SERPINB9: variants seen among roughly 807,000 people sequenced by gnomAD.
SERPINB9 encodes the protein serpin B9.
In SERPINB9, 20 loss-of-function variants were observed where a neutral mutation model predicts 27.2. The ratio of observed to expected loss-of-function variants is 0.74; its 90% CI spans 0.52 to 1.07. The LOEUF (loss-of-function observed/expected upper bound fraction) is 1.07, where lower values mean the gene tolerates loss of function less well. Among genes scored for constraint, SERPINB9 ranks in the 50% least tolerant of loss-of-function variants. The pLI, the probability that SERPINB9 is intolerant of heterozygous loss-of-function variation, is 0.00. For synonymous variants in SERPINB9, 189 were observed against 180.0 expected, an observed-to-expected ratio of 1.05 and a Z score of -0.40; for missense variants, 476 against 460.1, an observed-to-expected ratio of 1.03 and a Z score of -0.32.
Position 2,888,358 on chromosome 6 carries a change from TA to T in SERPINB9, c.*1804del, listed in dbSNP as rs1767664335. On this transcript the variant is annotated 3_prime_UTR_variant, in exon 7 of 7. Transcript: ENST00000380698. ...GATATATACCCAAGAGAATGCAAAA[TA>T]GGCATTCAAACAAATACAGGTACAC... 6.6e-6 allele frequency: 1 copy of T among 152,020 alleles called. No individual in the cohort carries two copies. Among genetic ancestry groups the T allele is most frequent in the African/African-American group, 2.4e-5 (1 of 41,392 alleles). The allele number at this position is 152,020 out of a possible 1,614,324, so 9.4% of individuals were successfully genotyped here.
chr6:2,900,222 G>T (rs1267664310), intron 2 of SERPINB9, among the ~76,000 whole-genome samples: 3 of 152,026 alleles, frequency 2.0e-5, no homozygotes, highest in Non-Finnish European at 4.4e-5. Flanking sequence ...GGGATTAACC[G>T]AGGAAAGTTT....
rs9503331 is a variant in SERPINB9, at chr6:2,901,758, C to T, written c.-10-1137G>A. ...ACCCATCCCCAAGGCCTGCCCTCTA[C>T]GCCCACATTTCTTCCCACTTCGGAT... is the stretch of plus-strand genomic sequence containing the variant. On this transcript the variant is annotated intron_variant, in intron 1 of 6. Transcript: ENST00000380698. Among the ~76,000 whole-genome samples, 380 of 152,162 alleles carry T rather than the reference C, an allele frequency of 2.5e-3. 1 individual carries two copies. Among genetic ancestry groups the T allele is most frequent in the African/African-American group, 8.4e-3 (348 of 41,512 alleles).
rs1214012899 is a variant in SERPINB9 at position 2,890,961 on chromosome 6, A to G, written c.724-391T>C. 6.6e-6 allele frequency among the ~76,000 whole-genome samples: 1 copy of G among 152,190 alleles called. No individual in the cohort carries two copies. Among genetic ancestry groups the G allele is most frequent in the Non-Finnish European group, 1.5e-5 (1 of 68,036 alleles). On this transcript the variant is annotated intron_variant, in intron 6 of 6. Transcript: ENST00000380698. The surrounding 1 kb of genome is among the most constrained non-coding windows in gnomAD (Gnocchi z 6.2). Reference sequence around the variant, plus strand: ...TGGAAACGAAAGGGCTCTCAGTGTGAGCCACTCCAACAGGATTATCTGTCC... The same window carrying G: ...TGGAAACGAAAGGGCTCTCAGTGTGGGCCACTCCAACAGGATTATCTGTCC...
At chr6:2,901,410 C>G (rs1421491891) in intron 1 of SERPINB9, among the ~76,000 whole-genome samples, 2 of 152,208 alleles carry the variant, frequency 1.3e-5, no homozygotes, top group Non-Finnish European at 2.9e-5. Context: ...GGGAGCTTTA[C>G]TCATTACTCC....
chr6:2,895,295 G>A (rs1280223744), intron 4 of SERPINB9, 96 bp downstream of exon 4: 10 of 747,532 alleles, frequency 1.3e-5, no homozygotes, highest in East Asian at 5.0e-5. Flanking sequence ...AGGGAGAGGA[G>A]GAGGAGAGAG....
rs369264309 is a variant in SERPINB9 at position 2,891,318 on chromosome 6, C to T, written c.723+515G>A. 1.3e-5 allele frequency among the ~76,000 whole-genome samples: 2 copies of T among 152,204 alleles called. No homozygotes were observed. Among genetic ancestry groups the T allele is most frequent in the South Asian group, 2.1e-4 (1 of 4,834 alleles). Reference sequence around the variant, plus strand: ...CCTTGTTAGGTCAAAGTTAAGACTTCCTCATTCTCTATTTCAGGTTCCTAG... The same window carrying T: ...CCTTGTTAGGTCAAAGTTAAGACTTTCTCATTCTCTATTTCAGGTTCCTAG... On this transcript the variant is annotated intron_variant, in intron 6 of 6. Coordinates refer to ENST00000380698, the MANE Select transcript of SERPINB9 (RefSeq NM_004155.6). The surrounding 1 kb of genome is among the most constrained non-coding windows in gnomAD (Gnocchi z 4.0).
intron 1 of SERPINB9, among the ~76,000 whole-genome samples, chr6:2,900,912 G>C (rs1168796361): frequency 2.6e-5 from 1 of 37,930 alleles, no homozygotes; most frequent in Non-Finnish European, 5.0e-5. Flanking sequence ...CACACACACA[G>C]AGCTGGAAGC....
intron 2 of SERPINB9, among the ~76,000 whole-genome samples, chr6:2,896,451 G>GA (rs965147086): frequency 7.1e-5 from 10 of 141,584 alleles, no homozygotes; most frequent in Non-Finnish European, 9.5e-5. Flanking sequence ...AATTTATAGT[G>GA]AAAAAAAAAG....
At chr6:2,892,800 C>A (rs1767854523) in intron 5 of SERPINB9, among the ~76,000 whole-genome samples, 1 of 151,922 alleles carries the variant, frequency 6.6e-6, no homozygotes, top group South Asian at 2.1e-4. Context: ...TTTTTAGGGG[C>A]TGGAAGATTT....
rs1767913597 is a variant in SERPINB9, at chr6:2,894,004, TGG to T, written c.425-453_425-452del. The stretch of plus-strand genomic sequence containing the variant: ...GCGGGAAGAGCTGACATTGGGCACA[TGG>T]GGAGTTTCCAGAAGCTTTTGGAGGA... On this transcript the variant is annotated intron_variant, in intron 4 of 6. Transcript: ENST00000380698. This position sits in a 1 kb window ranked among gnomAD's most constrained non-coding sequence, Gnocchi z 4.7. Among the ~76,000 whole-genome samples, 1 of 152,040 alleles carries T rather than the reference TGG, an allele frequency of 6.6e-6. No individual in the cohort carries two copies. The highest frequency in any genetic ancestry group is 1.5e-5 in the Non-Finnish European group (1 of 68,016).
intron 2 of SERPINB9, among the ~76,000 whole-genome samples, chr6:2,898,630 A>C (rs1349762083): frequency 6.6e-6 from 1 of 152,176 alleles, no homozygotes; most frequent in Non-Finnish European, 1.5e-5. Flanking sequence ...ATCCTGACTA[A>C]CACAGTGAAA....
chr6:2,902,500 T>C (rs2113620984), intron 1 of SERPINB9, among the ~76,000 whole-genome samples: 1 of 152,172 alleles, frequency 6.6e-6, no homozygotes, highest in African/African-American at 2.4e-5. Flanking sequence ...TTGTTGTTGT[T>C]GGTGGTGGTT....
rs369076791 is a variant in SERPINB9, at chr6:2,888,554, T to G, written c.*1609A>C. ...ACTATGTAAATAAATCTCAAAAACT[T>G]GTACTAAGTGAAAGAAGCCAGACAC... On this transcript the variant is annotated 3_prime_UTR_variant, in exon 7 of 7. Transcript: ENST00000380698. The G allele has an allele frequency of 4.6e-5, 7 of 152,252 alleles. 2 individuals are homozygous for G. Among genetic ancestry groups the G allele is most frequent in the African/African-American group, 1.7e-4 (7 of 41,544 alleles). The allele number at this position is 152,252 out of a possible 1,614,324, so 9.4% of individuals were successfully genotyped here. A position where few individuals can be genotyped will look rare whatever the true frequency, so the allele number is the denominator to read the frequency against.
intron 5 of SERPINB9, among the ~76,000 whole-genome samples, chr6:2,893,107 T>A (rs1016487338): frequency 8.1e-6 from 1 of 123,970 alleles, no homozygotes; most frequent in Admixed American, 8.7e-5. Context: ...TATAGGAAGA[T>A]CTTTAGTTTC....
rs2113599660 is a variant in SERPINB9, at chr6:2,891,365, G to C, written c.723+468C>G. ...CTAGACTTTAAAAGCATAATGCTAA[G>C]AATGATGATTGTAATAATGGATCAC... On this transcript the variant is annotated intron_variant, in intron 6 of 6. Transcript: ENST00000380698. This position sits in a 1 kb window ranked among gnomAD's most constrained non-coding sequence, Gnocchi z 4.0. Among the ~76,000 whole-genome samples, 1 of 152,310 alleles carries C rather than the reference G, an allele frequency of 6.6e-6. No homozygotes were observed. Among genetic ancestry groups the C allele is most frequent in the Admixed American group, 6.5e-5 (1 of 15,302 alleles).
chr6:2,890,219 T>C lies in SERPINB9; in HGVS notation c.1075A>G (p.Ile359Val). 1 of 1,614,178 alleles carries C rather than the reference T, an allele frequency of 6.2e-7. No homozygotes were observed. Among genetic ancestry groups the C allele is most frequent in the Non-Finnish European group, 8.5e-7 (1 of 1,180,016 alleles). The change falls in exon 7 of 7, where the codon ATC (isoleucine) becomes GTC (valine). Residue 359 changes from isoleucine (I) to valine (V), a missense_variant. By Grantham distance (29) the Ile-to-Val change is conservative. Transcript: ENST00000380698. The surrounding 1 kb of genome is among the most constrained non-coding windows in gnomAD (Gnocchi z 6.2). Reference sequence around the variant, plus strand: ...ATGCTGTTGGCTCTGTTGTGCCTGATGAAGAAAAGGAAAGGGTGGTCAGCA... The same window carrying C: ...ATGCTGTTGGCTCTGTTGTGCCTGACGAAGAAAAGGAAAGGGTGGTCAGCA... ...FCADHPFLFF[I>V]RHNRANSILF...
At position 2,893,531 on chromosome 6, in the gene SERPINB9, C is replaced by T. The variant is rs769951853; in HGVS notation, c.447G>A (p.Pro149=). 1.1e-4 allele frequency: 174 copies of T among 1,611,576 alleles called. 3 individuals are homozygous for T. In the South Asian group the frequency reaches 1.7e-3, roughly 16 times the overall value. ...KTEGKIEELL[P]GSSIDAETRL... is the part of the protein sequence containing the mutation. ...TGGTTTCTGCATCAATTGAGCTACC[C>T]GGCAACAACTCTTCAATTTTACCTT... is the stretch of plus-strand genomic sequence containing the variant. Residue 149 remains proline (P), a synonymous_variant, in exon 5 of 7, where the codon CCG becomes CCA. Coordinates refer to ENST00000380698, the MANE Select transcript of SERPINB9 (RefSeq NM_004155.6).
chr6:2,898,992 A>G (rs574339807), intron 2 of SERPINB9, among the ~76,000 whole-genome samples: 1 of 152,224 alleles, frequency 6.6e-6, no homozygotes, highest in African/African-American at 2.4e-5. Context: ...TCTTTAAAAT[A>G]TTTCTGCTGC....
Position 2,892,105 on chromosome 6 carries a change from TAAAAAAAAAA to T in SERPINB9, c.568-127_568-118del, listed in dbSNP as rs535487251. 7.1e-3 allele frequency: 833 copies of T among 117,330 alleles called. 1 individual carries two copies. The highest frequency in any genetic ancestry group is 0.02 in the East Asian group (64 of 3,264). 7.3% of individuals were successfully genotyped at this position (117,330 alleles called of 1,614,324 possible). ...GCCACATTCATGCCCCAGTTAACACTAAAAAAAAAAAAAAAAAAAAAAAAAAAAAAAGTCA... is the reference window on the plus strand; with the variant it reads ...GCCACATTCATGCCCCAGTTAACACTAAAAAAAAAAAAAAAAAAAAAGTCA... On this transcript the variant is annotated intron_variant, in intron 5 of 6. Coordinates refer to ENST00000380698, the MANE Select transcript of SERPINB9 (RefSeq NM_004155.6).
Sources: gnomAD v4.1 joint callset for allele counts (sites outside exome capture counted in the v4.1 genomes callset) on GRCh38, gnomAD v4.1.1 for gene constraint, Gnocchi (gnomAD v3.1) non-coding constraint, MANE v1.5 for transcripts, NCBI Gene and HGNC (gene_info 2026-07-23, HGNC 2026-07-21) for gene names.